SGCZ: variants seen among roughly 807,000 people sequenced by gnomAD.
SGCZ encodes sarcoglycan zeta, also known as zeta-sarcoglycan.
A neutral mutation model predicts 41.3 loss-of-function variants in SGCZ; 40 were observed. That is an observed-to-expected ratio of 0.97 (90% CI 0.75 to 1.26). The LOEUF (loss-of-function observed/expected upper bound fraction) is 1.26, where lower values mean the gene tolerates loss of function less well. Among genes scored for constraint, SGCZ ranks in the 50% most tolerant of loss-of-function variants. The probability of loss-of-function intolerance (pLI) is 0.00; values close to 1 mark genes in which losing one functional copy is unlikely to be tolerated. For synonymous variants in SGCZ, 206 were observed against 137.5 expected, an observed-to-expected ratio of 1.50 and a Z score of -3.49; for missense variants, 552 against 369.8, an observed-to-expected ratio of 1.49 and a Z score of -4.04.
At chr8:14,642,749 G>T (rs890615236) in intron 1 of SGCZ, among the ~76,000 whole-genome samples, 2 of 151,294 alleles carry the variant, frequency 1.3e-5, no homozygotes, top group Non-Finnish European at 3.0e-5. Context: ...AGATTTTTCA[G>T]TTATAAAGAA....
chr8:14,998,741 G>C (rs1056860036), intron 1 of SGCZ, among the ~76,000 whole-genome samples: 4 of 152,144 alleles, frequency 2.6e-5, no homozygotes, highest in African/African-American at 9.7e-5. Context: ...GCATAAAACA[G>C]GGATCTAGAT....
At chr8:14,400,749 T>C (rs545978070) in intron 2 of SGCZ, among the ~76,000 whole-genome samples, 1 of 134,946 alleles carries the variant, frequency 7.4e-6, no homozygotes, top group African/African-American at 3.2e-5. Flanking sequence ...TAAGACTTTG[T>C]AATCAATAGT....
chr8:14,912,803 G>A (rs1322854741), intron 1 of SGCZ, among the ~76,000 whole-genome samples: 1 of 151,992 alleles, frequency 6.6e-6, no homozygotes, highest in Non-Finnish European at 1.5e-5. Flanking sequence ...GAGTTAAACA[G>A]TATCTCAACA....
intron 1 of SGCZ, among the ~76,000 whole-genome samples, chr8:14,685,924 G>C (rs532802130): frequency 1.4e-4 from 22 of 152,228 alleles, no homozygotes; most frequent in Non-Finnish European, 2.5e-4. Flanking sequence ...ATTCATGACA[G>C]CAAGACTTGG....
intron 4 of SGCZ, among the ~76,000 whole-genome samples, chr8:14,204,460 T>C (rs957945707): frequency 3.3e-5 from 5 of 152,150 alleles, no homozygotes; most frequent in African/African-American, 7.2e-5. Flanking sequence ...TCCAAAACCA[T>C]TGTTGACCTG....
At chr8:15,237,449 C>T in intron 1 of SGCZ, 136 bp downstream of exon 1, 7 of 1,039,906 alleles carry the variant, frequency 6.7e-6, no homozygotes, top group Non-Finnish European at 8.5e-6. Flanking sequence ...CGCCCGGGTG[C>T]GCGTCCCCCC....
At chr8:14,568,025 G>T (rs1323269819) in intron 1 of SGCZ, among the ~76,000 whole-genome samples, 4 of 152,132 alleles carry the variant, frequency 2.6e-5, no homozygotes, top group Non-Finnish European at 5.9e-5. Flanking sequence ...ACCAATTCTG[G>T]ACACAATATG....
chr8:15,082,879 CTGTT>C (rs1805805041), intron 1 of SGCZ, among the ~76,000 whole-genome samples: 1 of 152,128 alleles, frequency 6.6e-6, no homozygotes, highest in Non-Finnish European at 1.5e-5. Flanking sequence ...ACTTCGAAGA[CTGTT>C]TACGTACAAA....
intron 3 of SGCZ, among the ~76,000 whole-genome samples, chr8:14,246,599 GA>G (rs71209032): frequency 0.14 from 20,450 of 145,646 alleles, 1,545 homozygotes; most frequent in Admixed American, 0.21. Context: ...AGTATAATAA[GA>G]AAAAAAAAAA....
chr8:14,213,264 AG>A (rs2117100690), intron 4 of SGCZ, among the ~76,000 whole-genome samples: 1 of 152,270 alleles, frequency 6.6e-6, no homozygotes, highest in South Asian at 2.1e-4. Context: ...ATTTCTGAAA[AG>A]TAAAGACACG....
rs114207156 is a variant in SGCZ, at chr8:15,000,339, T to C, written c.39+237246A>G. ...AACTTTAAAAATATGGGATAAAGCC[T>C]TCATGAATGGACCAGTTTAGAGGGT... is the stretch of plus-strand genomic sequence containing the variant. On this transcript the variant is annotated intron_variant, in intron 1 of 7. Coordinates refer to ENST00000382080, the MANE Select transcript of SGCZ (RefSeq NM_139167.4). 4.0e-3 allele frequency among the ~76,000 whole-genome samples: 602 copies of C among 152,276 alleles called. 5 individuals carry two copies. The highest frequency in any genetic ancestry group is 0.014 in the African/African-American group (568 of 41,546).
At chr8:14,136,612 T>C (rs1803207234) in intron 5 of SGCZ, among the ~76,000 whole-genome samples, 1 of 152,144 alleles carries the variant, frequency 6.6e-6, no homozygotes, top group Admixed American at 6.5e-5. Flanking sequence ...GCTTCCACCA[T>C]TGCTGAGGCT....
rs1320984394 is a variant in SGCZ, at chr8:14,525,141, CACATAGATAGATAGAT to C, written c.234+29575_234+29590del. On this transcript the variant is annotated intron_variant, in intron 2 of 7. Transcript: ENST00000382080. ...ATAGATAGATACATTGATAGATAGA[CACATAGATAGATAGAT>C]AGATAGATAGATAGATAGATAGATA... Among the ~76,000 whole-genome samples the C allele has an allele frequency of 6.9e-5, 8 of 115,950 alleles. No individual in the cohort carries two copies. In the East Asian group the frequency reaches 1.7e-3, roughly 25 times the overall value. The allele number at this position is 115,950 out of a possible 152,430, so 76.1% of individuals were successfully genotyped here. A position where few individuals can be genotyped will look rare whatever the true frequency, so the allele number is the denominator to read the frequency against.
intron 1 of SGCZ, among the ~76,000 whole-genome samples, chr8:14,623,506 G>T (rs1453874608): frequency 6.6e-6 from 1 of 152,136 alleles, no homozygotes; most frequent in Non-Finnish European, 1.5e-5. Context: ...CCCGTGAAAA[G>T]GACAGGAGGG....
intron 2 of SGCZ, among the ~76,000 whole-genome samples, chr8:14,543,352 G>T (rs946651189): frequency 1.3e-5 from 2 of 151,750 alleles, no homozygotes; most frequent in Admixed American, 6.6e-5. Context: ...ATTAATTATG[G>T]TCTGGACATT....
At chr8:14,267,437 T>C (rs1329887493) in intron 3 of SGCZ, among the ~76,000 whole-genome samples, 3 of 152,026 alleles carry the variant, frequency 2.0e-5, no homozygotes, top group Non-Finnish European at 4.4e-5. Context: ...GCTATAAGAT[T>C]TTGATAAGAG....
chr8:14,473,655 C>T (rs999373615), intron 2 of SGCZ, among the ~76,000 whole-genome samples: 3 of 151,936 alleles, frequency 2.0e-5, no homozygotes, highest in East Asian at 1.9e-4. Context: ...AATGAAAAAG[C>T]GGCCGGGCGA....
intron 1 of SGCZ, among the ~76,000 whole-genome samples, chr8:14,805,712 G>A (rs947143605): frequency 2.0e-5 from 3 of 151,962 alleles, no homozygotes; most frequent in African/African-American, 4.8e-5. Context: ...ATTGAACTCA[G>A]CTCTGTACCA....
intron 2 of SGCZ, among the ~76,000 whole-genome samples, chr8:14,527,828 G>T (rs10503499): frequency 5.3e-5 from 8 of 151,800 alleles, no homozygotes; most frequent in East Asian, 1.9e-4. Flanking sequence ...ACAATTCTTA[G>T]GCTCTCATAT....
Sources: allele counts gnomAD v4.1 joint callset (sites outside exome capture counted in the v4.1 genomes callset), GRCh38; gene constraint gnomAD v4.1.1; transcripts MANE v1.5; gene names NCBI Gene and HGNC (gene_info 2026-07-23, HGNC 2026-07-21).